The following EFR3B variants were observed in gnomAD, a reference collection of about 807,000 sequenced individuals.
The protein encoded by EFR3B is protein EFR3 homolog B.
EFR3B carries 64 observed loss-of-function variants against 104.7 expected under a neutral mutation model. That is an observed-to-expected ratio of 0.61 (90% CI 0.50 to 0.75). The LOEUF is 0.75. EFR3B is among the 30% of genes least tolerant of loss of function. The pLI is 0.00. For synonymous variants in EFR3B, 385 were observed against 417.9 expected, an observed-to-expected ratio of 0.92 and a Z score of 0.96; for missense variants, 750 against 1,078.5, an observed-to-expected ratio of 0.70 and a Z score of 4.27.
Position 25,092,904 on chromosome 2 carries a change from C to G in EFR3B, c.85-99C>G, listed in dbSNP as rs1157123102. On this transcript the variant is annotated intron_variant, in intron 2 of 22. Transcript: ENST00000403714. ...CTCCGGCACATCCATAAAGGACACTCTGTAAATGTTGATTCCGTCGAATTA... is the reference window on the plus strand; with the variant it reads ...CTCCGGCACATCCATAAAGGACACTGTGTAAATGTTGATTCCGTCGAATTA... 8 of 1,432,692 alleles carry G rather than the reference C, an allele frequency of 5.6e-6. No individual in the cohort carries two copies. The East Asian group carries it at 2.0e-4, about 36-fold the overall frequency. 88.7% of individuals were successfully genotyped at this position (1,432,692 alleles called of 1,614,324 possible).
chr2:25,113,244 A>G lies in EFR3B; in HGVS notation c.364-8429A>G, dbSNP rs185545524. ...TCTTAAAAACAAAAAAACAAAACCA[A>G]ATAACCAAACAAACAAACAAAAAAC... On this transcript the variant is annotated intron_variant, in intron 4 of 22. Transcript: ENST00000403714. Among the ~76,000 whole-genome samples, 6 of 152,270 alleles carry G rather than the reference A, an allele frequency of 3.9e-5. No individual in the cohort carries two copies. The East Asian group carries it at 7.7e-4, about 20-fold the overall frequency.
chr2:25,129,092 G>A (rs909024197), intron 6 of EFR3B, among the ~76,000 whole-genome samples: 3 of 149,186 alleles, frequency 2.0e-5, no homozygotes, highest in Admixed American at 6.7e-5. Context: ...CCCTGAAAAC[G>A]TGCATGCTTG....
intron 1 of EFR3B, among the ~76,000 whole-genome samples, chr2:25,054,007 G>A (rs935168960): frequency 1.3e-5 from 2 of 152,188 alleles, no homozygotes; most frequent in African/African-American, 4.8e-5. Flanking sequence ...ACCTGGGACC[G>A]GGCTGTGTGG....
In EFR3B at chr2:25,070,906, C is replaced by T. The variant is rs138251690; in HGVS notation, c.8-20419C>T. The stretch of plus-strand genomic sequence containing the variant: ...ATCCGCACGTTAATGGAAATGAAAA[C>T]AAAGGAGAAAATTCATTGTTGCTTA... On this transcript the variant is annotated intron_variant, in intron 1 of 22. Transcript: ENST00000403714. Among the ~76,000 whole-genome samples the T allele has an allele frequency of 1.4e-3, 209 of 152,352 alleles. 2 individuals carry two copies. Among genetic ancestry groups the T allele is most frequent in the Non-Finnish European group, 1.6e-3 (112 of 68,038 alleles).
chr2:25,154,402 C>T lies in EFR3B; in HGVS notation c.*62C>T. ...TGAGGAGGGGCTCACCTCACGCCCA[C>T]CCCGACCACATGGAGATCTGGCTGT... On this transcript the variant is annotated 3_prime_UTR_variant, in exon 23 of 23. Transcript: ENST00000403714. The surrounding 1 kb of genome is among the most constrained non-coding windows in gnomAD (Gnocchi z 4.1). 1 of 1,401,088 alleles carries T rather than the reference C, an allele frequency of 7.1e-7. No individual in the cohort carries two copies. Among genetic ancestry groups the T allele is most frequent in the Non-Finnish European group, 9.9e-7 (1 of 1,015,206 alleles). The allele number at this position is 1,401,088 out of a possible 1,614,324, so 86.8% of individuals were successfully genotyped here.
chr2:25,091,607 G>A (rs1219349966), intron 2 of EFR3B, among the ~76,000 whole-genome samples: 1 of 152,220 alleles, frequency 6.6e-6, no homozygotes, highest in Non-Finnish European at 1.5e-5. Flanking sequence ...AAGGATGAGG[G>A]CATTTGGATC....
intron 1 of EFR3B, among the ~76,000 whole-genome samples, chr2:25,078,886 A>T (rs478222): frequency 0.36 from 54,900 of 151,968 alleles, 12,173 homozygotes; most frequent in Admixed American, 0.53. Flanking sequence ...TGCCCCTTCA[A>T]CATCTCCAGC....
chr2:25,142,225 T>C (rs1408158868), intron 17 of EFR3B, among the ~76,000 whole-genome samples: 1 of 151,868 alleles, frequency 6.6e-6, no homozygotes, highest in Non-Finnish European at 1.5e-5. Flanking sequence ...GGCGGATCAC[T>C]TGAGGTCAGA....
chr2:25,091,451 C>A (rs1259352250), intron 2 of EFR3B, 50 bp downstream of exon 2: 1 of 1,499,838 alleles, frequency 6.7e-7, no homozygotes, highest in African/African-American at 1.4e-5. Flanking sequence ...CCAGGCAGGG[C>A]CTCTGACGGG....
intron 4 of EFR3B, among the ~76,000 whole-genome samples, chr2:25,120,681 A>G (rs1669988835): frequency 6.6e-6 from 1 of 152,104 alleles, no homozygotes; most frequent in South Asian, 2.1e-4. Flanking sequence ...AAAGCCCTGT[A>G]AGAATCATAT....
rs1161922507 is a variant in EFR3B at position 25,144,973 on chromosome 2, A to G, written c.2064A>G (p.Leu688=). The G allele has an allele frequency of 6.4e-7, 1 of 1,551,734 alleles. No individual in the cohort carries two copies. The highest frequency in any genetic ancestry group is 1.2e-5 in the South Asian group (1 of 84,060). Residue 688 remains leucine (L), a synonymous_variant, in exon 19 of 23, where the codon TTA becomes TTG. Coordinates refer to ENST00000403714, the MANE Select transcript of EFR3B (RefSeq NM_014971.2). Reference sequence around the variant, plus strand: ...CTTCTTCCCCAGATGAGGATCGTTTATCCAAGAGGAGGAGCATTGGAGAGA... The same window carrying G: ...CTTCTTCCCCAGATGAGGATCGTTTGTCCAAGAGGAGGAGCATTGGAGAGA... ...YIPQLTDEDR[L]SKRRSIGETI... is the part of the protein sequence containing the mutation.
intron 1 of EFR3B, among the ~76,000 whole-genome samples, chr2:25,053,998 C>T (rs1459691615): frequency 6.6e-6 from 1 of 152,226 alleles, no homozygotes; most frequent in Non-Finnish European, 1.5e-5. Flanking sequence ...AAGAGGTGGA[C>T]CTGGGACCGG....
chr2:25,043,302 G>A lies in EFR3B; in HGVS notation c.7+983G>A, dbSNP rs1388209344. On this transcript the variant is annotated intron_variant, in intron 1 of 22. Transcript: ENST00000403714. ...CTCCCACCCCCACTGCAAGGTAGGG[G>A]CTCAGGCTGCACTTGAGGGGTCAGT... 2.0e-5 allele frequency among the ~76,000 whole-genome samples: 3 copies of A among 152,310 alleles called. No individual in the cohort carries two copies. In the East Asian group the frequency reaches 5.8e-4, roughly 29 times the overall value.
chr2:25,073,036 G>A (rs922667053), intron 1 of EFR3B, among the ~76,000 whole-genome samples: 4 of 152,184 alleles, frequency 2.6e-5, no homozygotes, highest in African/African-American at 9.7e-5. Context: ...CAAACAATAT[G>A]GAAAAGATTT....
At chr2:25,092,918 T>G in intron 2 of EFR3B, 85 bp from the exon 3 acceptor site, 1 of 1,477,756 alleles carries the variant, frequency 6.8e-7, no homozygotes, top group Non-Finnish European at 9.0e-7. Context: ...AAATGTTGAT[T>G]CCGTCGAATT....
chr2:25,154,301 C>A lies in EFR3B; in HGVS notation c.2415C>A (p.Pro805=). Residue 805 remains proline, a synonymous_variant, in exon 23 of 23, where the codon CCC becomes CCA. Transcript: ENST00000403714. This position sits in a 1 kb window ranked among gnomAD's most constrained non-coding sequence, Gnocchi z 4.1. ...AYGQPQNHSI[P]VYEMKFPDLC... The stretch of plus-strand genomic sequence containing the variant: ...GTCAGCCGCAGAACCACTCCATCCC[C>A]GTCTATGAAATGAAGTTTCCCGATC... 6.4e-7 allele frequency: 1 copy of A among 1,552,082 alleles called. No individual in the cohort carries two copies. The highest frequency in any genetic ancestry group is 8.7e-7 in the Non-Finnish European group (1 of 1,147,092).
Position 25,131,533 on chromosome 2 carries a change from G to A in EFR3B, c.985+30G>A, listed in dbSNP as rs1251080706. 6.5e-6 allele frequency: 10 copies of A among 1,544,980 alleles called. No individual in the cohort carries two copies. Among genetic ancestry groups the A allele is most frequent in the African/African-American group, 1.4e-5 (1 of 72,988 alleles). ...GGGGCATGGCTAGGGCCTGAGGGCC[G>A]GGGACCCCGCGGAGGCTGCCGCCTC... is the stretch of plus-strand genomic sequence containing the variant. On this transcript the variant is annotated intron_variant, in intron 9 of 22. Coordinates refer to ENST00000403714, the MANE Select transcript of EFR3B (RefSeq NM_014971.2). This position sits in a 1 kb window ranked among gnomAD's most constrained non-coding sequence, Gnocchi z 7.6.
rs1426851031 is a variant in EFR3B, at chr2:25,155,761, C to A, written c.*1421C>A. On this transcript the variant is annotated 3_prime_UTR_variant, in exon 23 of 23. Coordinates refer to ENST00000403714, the MANE Select transcript of EFR3B (RefSeq NM_014971.2). ...AACTCCTCCGAGCCAACATAACCTA[C>A]AGTAAGATGTGAGTGTCAGACGTTC... The A allele has an allele frequency of 6.6e-6, 1 of 152,176 alleles. No individual in the cohort carries two copies. Among genetic ancestry groups the A allele is most frequent in the Non-Finnish European group, 1.5e-5 (1 of 68,054 alleles). 9.4% of individuals were successfully genotyped at this position (152,176 alleles called of 1,614,324 possible).
At position 25,114,115 on chromosome 2, in the gene EFR3B, C is replaced by T. The variant is rs1311243209; in HGVS notation, c.364-7558C>T. 3.3e-5 allele frequency among the ~76,000 whole-genome samples: 5 copies of T among 152,172 alleles called. No individual in the cohort carries two copies. The highest frequency in any genetic ancestry group is 1.2e-4 in the African/African-American group (5 of 41,428). ...ATTGGCACATTTCAAGGTGGACTTC[C>T]GCAATAGGTGTGGTCCTTTGACCAG... On this transcript the variant is annotated intron_variant, in intron 4 of 22. Coordinates refer to ENST00000403714, the MANE Select transcript of EFR3B (RefSeq NM_014971.2). This position sits in a 1 kb window ranked among gnomAD's most constrained non-coding sequence, Gnocchi z 4.0.
Sources: gnomAD v4.1 joint callset for allele counts (sites outside exome capture counted in the v4.1 genomes callset) on GRCh38, gnomAD v4.1.1 for gene constraint, Gnocchi (gnomAD v3.1) non-coding constraint, MANE v1.5 for transcripts, NCBI Gene and HGNC (gene_info 2026-07-23, HGNC 2026-07-21) for gene names.